NID2: variants seen among roughly 807,000 people sequenced by gnomAD.
NID2 encodes the protein nidogen 2, also known as nidogen-2.
A neutral mutation model predicts 145.4 loss-of-function variants in NID2; 83 were observed. That is an observed-to-expected ratio of 0.57 (90% CI 0.48 to 0.69). The LOEUF (loss-of-function observed/expected upper bound fraction) is 0.69. NID2 is among the 30% of genes least tolerant of loss of function. The pLI is 0.00. For synonymous variants in NID2, 739 were observed against 701.3 expected, an observed-to-expected ratio of 1.05 and a Z score of -0.85; for missense variants, 1,807 against 1,765.7, an observed-to-expected ratio of 1.02 and a Z score of -0.42.
rs1165744158 is a variant in NID2 at position 52,040,631 on chromosome 14, T to G, written c.2026+20A>C. On this transcript the variant is annotated intron_variant, in intron 8 of 21. Coordinates refer to ENST00000216286, the MANE Select transcript of NID2 (RefSeq NM_007361.4). ...GGGCATAATCCCCATTTTACAGATG[T>G]GAAGACTGGTTATACATACTGGAGT... 1 of 1,604,176 alleles carries G rather than the reference T, an allele frequency of 6.2e-7. No homozygotes were observed. The highest frequency in any genetic ancestry group is 1.7e-5 in the Admixed American group (1 of 60,010).
chr14:52,019,221 G>A lies in NID2; in HGVS notation c.2868C>T (p.Ala956=). Residue 956 remains alanine, a synonymous_variant, in exon 14 of 22, where the codon GCC becomes GCT. Coordinates refer to ENST00000216286, the MANE Select transcript of NID2 (RefSeq NM_007361.4). Reference sequence around the variant, plus strand: ...CGTCGCATTGGGGGATGTGGAACCGGGCCCCAGGGTAGGCATACTGGGCCT... The same window carrying A: ...CGTCGCATTGGGGGATGTGGAACCGAGCCCCAGGGTAGGCATACTGGGCCT... ...HAQAQYAYPG[A]RFHIPQCDEQ... 8.1e-6 allele frequency: 13 copies of A among 1,613,284 alleles called. No homozygotes were observed. The highest frequency in any genetic ancestry group is 1.1e-5 in the Non-Finnish European group (13 of 1,179,290).
intron 9 of NID2, among the ~76,000 whole-genome samples, chr14:52,032,779 C>A (rs1891912514): frequency 7.0e-6 from 1 of 142,600 alleles, no homozygotes; most frequent in African/African-American, 2.6e-5. Flanking sequence ...ACATCAAGAG[C>A]TTACCACCCT....
At chr14:52,027,366 G>T (rs767531756) in intron 11 of NID2, 22 bp from the exon 12 acceptor site, 2 of 1,502,492 alleles carry the variant, frequency 1.3e-6, no homozygotes, top group East Asian at 2.6e-5. Context: ...AGAAGATAAG[G>T]GCATCCAGAG....
At position 52,060,320 on chromosome 14, in the gene NID2, AC is replaced by A; in HGVS notation, c.570del (p.Ser191LeufsTer45). 6.3e-7 allele frequency: 1 copy of A among 1,599,494 alleles called. No homozygotes were observed. Among genetic ancestry groups the A allele is most frequent in the Non-Finnish European group, 8.5e-7 (1 of 1,171,318 alleles). ...NTFQAVLASDGSDSYALFLYP... is the reference protein window; with the variant it reads ...NTFQAVLASDXSDSYALFLYP... ...TAAAGAAAGAGGGCGTAGCTATCAG[AC>A]CCATCAGATGCCAAAACTGCCTGGA... On this transcript the variant is annotated frameshift_variant, in exon 3 of 22. Coordinates refer to ENST00000216286, the MANE Select transcript of NID2 (RefSeq NM_007361.4). LOFTEE classifies it high-confidence loss of function.
intron 12 of NID2, 102 bp from the exon 13 acceptor site, chr14:52,020,280 G>T: frequency 6.5e-7 from 1 of 1,540,582 alleles, no homozygotes; most frequent in Non-Finnish European, 8.7e-7. Flanking sequence ...TCAACACCCA[G>T]TGAGGTGTCA....
At chr14:52,067,823 A>G (rs746813220) in intron 2 of NID2, 35 bp downstream of exon 2, 1 of 1,609,084 alleles carries the variant, frequency 6.2e-7, no homozygotes, top group East Asian at 2.2e-5. Context: ...CCATCCTTCA[A>G]TTTCCTCAGC....
At chr14:52,061,466 G>T (rs557190790) in intron 2 of NID2, among the ~76,000 whole-genome samples, 10 of 152,224 alleles carry the variant, frequency 6.6e-5, no homozygotes, top group Admixed American at 2.0e-4. Flanking sequence ...GACAGGCTTT[G>T]CCCAGGAGAG....
In NID2 at chr14:52,069,043, C is replaced by T; in HGVS notation, c.-49G>A. ...CGCTGCACAACGCGTCCCGCCCCGG[C>T]CTCCAGCCCACTCTCCGCGCCGCGC... On this transcript the variant is annotated 5_prime_UTR_variant, in exon 1 of 22. Transcript: ENST00000216286. 1 of 1,459,596 alleles carries T rather than the reference C, an allele frequency of 6.9e-7. No homozygotes were observed. Among genetic ancestry groups the T allele is most frequent in the Non-Finnish European group, 9.3e-7 (1 of 1,069,706 alleles). 90.4% of individuals were successfully genotyped at this position (1,459,596 alleles called of 1,614,324 possible). A position where few individuals can be genotyped will look rare whatever the true frequency, so the allele number is the denominator to read the frequency against.
At chr14:52,053,471 CT>C in intron 5 of NID2, 107 bp downstream of exon 5, 1 of 1,226,530 alleles carries the variant, frequency 8.2e-7, no homozygotes, top group Non-Finnish European at 1.1e-6. Context: ...ATCCAATCTT[CT>C]TTTTGCTAAA....
At chr14:52,008,651 C>G (rs1890887903) in intron 18 of NID2, 1 of 152,130 alleles carries the variant, frequency 6.6e-6, no homozygotes, top group East Asian at 1.9e-4. Flanking sequence ...TCCAAGATAC[C>G]CCTTGACTCA....
rs763658627 is a variant in NID2 at position 52,038,807 on chromosome 14, A to G, written c.2197T>C (p.Tyr733His). 1 of 1,613,078 alleles carries G rather than the reference A, an allele frequency of 6.2e-7. No homozygotes were observed. The highest frequency in any genetic ancestry group is 8.5e-7 in the Non-Finnish European group (1 of 1,179,662). ...QLNVDRVFAL[Y>H]NDEERVLRFA... ...CTAAGCACTCTTTCTTCGTCATTAT[A>G]CAAGGCAAAGACCCGGTCCACGTTC... Residue 733 changes from tyrosine to histidine, a missense_variant, in exon 9 of 22, where the codon TAT becomes CAT. Physicochemically the swap from Tyr to His is moderately conservative, Grantham distance 83 (BLOSUM62 2). Coordinates refer to ENST00000216286, the MANE Select transcript of NID2 (RefSeq NM_007361.4).
At chr14:52,030,576 G>GAAAC (rs1566755674) in intron 9 of NID2, among the ~76,000 whole-genome samples, 1 of 61,594 alleles carries the variant, frequency 1.6e-5, no homozygotes, top group Non-Finnish European at 3.3e-5. Flanking sequence ...AAGGAAGGAA[G>GAAAC]GGAAAGAAAG....
intron 5 of NID2, among the ~76,000 whole-genome samples, chr14:52,049,291 T>A (rs1317267518): frequency 6.6e-6 from 1 of 152,164 alleles, no homozygotes; most frequent in Non-Finnish European, 1.5e-5. Context: ...GCCAAAGGAC[T>A]TGAGACTTGT....
intron 5 of NID2, among the ~76,000 whole-genome samples, chr14:52,043,530 C>G (rs1219948961): frequency 1.3e-5 from 2 of 152,178 alleles, no homozygotes; most frequent in Admixed American, 6.5e-5. Context: ...TTAAAATGCC[C>G]TATGCCCTTG....
In NID2 at chr14:52,005,481, T is replaced by C; in HGVS notation, c.*5A>G. On this transcript the variant is annotated 3_prime_UTR_variant, in exon 22 of 22. Transcript: ENST00000216286. ...AACTCCAAGTCTTCCTTTACATTAC[T>C]GTACTTACTTTCTTCCTGTGAGAGA... 1 of 1,596,284 alleles carries C rather than the reference T, an allele frequency of 6.3e-7. No homozygotes were observed. Among genetic ancestry groups the C allele is most frequent in the Non-Finnish European group, 8.5e-7 (1 of 1,173,332 alleles).
Position 52,042,230 on chromosome 14 carries a change from G to T in NID2, c.1700C>A (p.Thr567Lys), listed in dbSNP as rs150406341. Residue 567 changes from threonine (T) to lysine (K), a missense_variant, in exon 7 of 22, where the codon ACG (threonine) becomes AAG (lysine). Thr to Lys is a moderately conservative substitution (Grantham distance 78, BLOSUM62 -1). Transcript: ENST00000216286. The stretch of plus-strand genomic sequence containing the variant: ...TGGCTGTGGGATGTGGCTGATGGCC[G>T]TGTAGGCTCTGCCATCATTGCCCAC... ...YIVGNDGRAY[T>K]AISHIPQPAA... The T allele has an allele frequency of 1.9e-6, 3 of 1,614,070 alleles. No homozygotes were observed. Among genetic ancestry groups the T allele is most frequent in the Non-Finnish European group, 2.5e-6 (3 of 1,180,038 alleles).
chr14:52,028,923 T>C lies in NID2; in HGVS notation c.2402-73A>G, dbSNP rs1199048281. ...AGAAGTGGAGGGTCTAAAAACTCAA[T>C]GTTTTCTCACTAGTATGATGCTTCA... On this transcript the variant is annotated intron_variant, in intron 10 of 21. Transcript: ENST00000216286. The C allele has an allele frequency of 4.7e-6, 7 of 1,504,416 alleles. No homozygotes were observed. In the East Asian group the frequency reaches 6.9e-5, roughly 15 times the overall value. The allele number at this position is 1,504,416 out of a possible 1,614,324, so 93.2% of individuals were successfully genotyped here. A position where few individuals can be genotyped will look rare whatever the true frequency, so the allele number is the denominator to read the frequency against.
chr14:52,032,139 T>C (rs1362438749), intron 9 of NID2, among the ~76,000 whole-genome samples: 1 of 152,226 alleles, frequency 6.6e-6, no homozygotes, highest in Non-Finnish European at 1.5e-5. Flanking sequence ...GAGACAGCCT[T>C]GTTTTCTGGT....
At chr14:52,066,231 C>G (rs564095840) in intron 2 of NID2, among the ~76,000 whole-genome samples, 1 of 151,648 alleles carries the variant, frequency 6.6e-6, no homozygotes, top group Non-Finnish European at 1.5e-5. Context: ...TTTAAAGAGT[C>G]CTTATGCAAC....
Sources: allele counts gnomAD v4.1 joint callset (sites outside exome capture counted in the v4.1 genomes callset), GRCh38; gene constraint gnomAD v4.1.1; transcripts MANE v1.5; gene names NCBI Gene and HGNC (gene_info 2026-07-23, HGNC 2026-07-21).